KIAA0319: variants seen among roughly 807,000 people sequenced by gnomAD.
The protein encoded by KIAA0319 is dyslexia-associated protein KIAA0319.
KIAA0319 carries 83 observed loss-of-function variants against 108.4 expected under a neutral mutation model. The observed-to-expected ratio is 0.77, with a 90% confidence interval of 0.64 to 0.92. The LOEUF (loss-of-function observed/expected upper bound fraction) is 0.92. KIAA0319 is among the 40% of genes least tolerant of loss of function. The pLI is 0.00. For missense variants in KIAA0319, 1,195 were observed against 1,322.4 expected (o/e 0.90, Z 1.49); for synonymous variants, 484 against 510.4 (o/e 0.95, Z 0.70).
At chr6:24,607,800 A>C (rs1402329364) in intron 1 of KIAA0319, among the ~76,000 whole-genome samples, 3 of 152,246 alleles carry the variant, frequency 2.0e-5, no homozygotes, top group Admixed American at 1.3e-4. Flanking sequence ...TGAATGCTTA[A>C]GTATGCATTT....
intron 1 of KIAA0319, among the ~76,000 whole-genome samples, chr6:24,603,454 A>C (rs1383964111): frequency 6.6e-6 from 1 of 152,214 alleles, no homozygotes; most frequent in Non-Finnish European, 1.5e-5. Context: ...TCAGAATCCC[A>C]CTGTGAGTTG....
chr6:24,623,602 C>G (rs1282349477), intron 1 of KIAA0319, among the ~76,000 whole-genome samples: 1 of 152,058 alleles, frequency 6.6e-6, no homozygotes, highest in Non-Finnish European at 1.5e-5. Context: ...TTCTCATAGG[C>G]ATTAGTGGAA....
chr6:24,580,606 C>T (rs537062216), intron 7 of KIAA0319, among the ~76,000 whole-genome samples: 102 of 152,194 alleles, frequency 6.7e-4, no homozygotes, highest in African/African-American at 2.2e-3. Flanking sequence ...GCCCCTGCTT[C>T]GAAGGTGAAG....
chr6:24,576,748 T>A (rs754807499), intron 9 of KIAA0319, 152 bp from the exon 10 acceptor site: 16 of 630,006 alleles, frequency 2.5e-5, no homozygotes, highest in Middle Eastern at 4.4e-4. Context: ...AAGGAGACTC[T>A]GTCTCTATTT....
At chr6:24,563,998 T>C (rs562621622) in intron 15 of KIAA0319, among the ~76,000 whole-genome samples, 2 of 152,220 alleles carry the variant, frequency 1.3e-5, no homozygotes, top group East Asian at 3.9e-4. Flanking sequence ...AGTTGCCAGA[T>C]AACATTCTCT....
At position 24,588,648 on chromosome 6, in the gene KIAA0319, G is replaced by A; in HGVS notation, c.939C>T (p.Pro313=). 1 of 1,614,016 alleles carries A rather than the reference G, an allele frequency of 6.2e-7. No homozygotes were observed. Among genetic ancestry groups the A allele is most frequent in the Non-Finnish European group, 8.5e-7 (1 of 1,179,944 alleles). Residue 313 remains proline, a synonymous_variant, in exon 4 of 21, where the codon CCC becomes CCT. Coordinates refer to ENST00000378214, the MANE Select transcript of KIAA0319 (RefSeq NM_014809.4). The stretch of plus-strand genomic sequence containing the variant: ...GTAGCTCAGATGGGGTGGACTCAGA[G>A]GGGGCTGCGCTAGTGGGAGGTGTTG... ...SIPTPPTSAA[P]SESTPSELPI...
chr6:24,641,271 T>C (rs1183179932), intron 1 of KIAA0319, among the ~76,000 whole-genome samples: 1 of 152,250 alleles, frequency 6.6e-6, no homozygotes, highest in Non-Finnish European at 1.5e-5. Context: ...TTCTATTGTG[T>C]ATATTTAACA....
intron 19 of KIAA0319, among the ~76,000 whole-genome samples, chr6:24,553,292 TATACACACACAC>T (rs1266087241): frequency 7.1e-4 from 67 of 95,022 alleles, no homozygotes; most frequent in African/African-American, 1.9e-3. Flanking sequence ...TATATATATA[TATACACACACAC>T]ACACACACAC....
chr6:24,634,831 G>A (rs551722050), intron 1 of KIAA0319, among the ~76,000 whole-genome samples: 58 of 152,300 alleles, frequency 3.8e-4, no homozygotes, highest in African/African-American at 1.3e-3. Flanking sequence ...ATAGTCTGTG[G>A]TCTGTGCCTT....
rs770651426 is a variant in KIAA0319 at position 24,583,807 on chromosome 6, T to C, written c.995-105A>G. ...GGTATCCATAAATTAAAATAACATA[T>C]GCTTTTGTAATAGTTCTTCATAAGA... On this transcript the variant is annotated intron_variant, in intron 4 of 20. Transcript: ENST00000378214. 9.5e-5 allele frequency: 70 copies of C among 738,788 alleles called. 1 individual carries two copies. The highest frequency in any genetic ancestry group is 1.4e-4 in the Non-Finnish European group (64 of 448,082). 45.8% of individuals were successfully genotyped at this position (738,788 alleles called of 1,614,324 possible). A position where few individuals can be genotyped will look rare whatever the true frequency, so the allele number is the denominator to read the frequency against.
intron 19 of KIAA0319, among the ~76,000 whole-genome samples, chr6:24,553,652 G>A (rs1163088801): frequency 6.6e-6 from 1 of 152,176 alleles, no homozygotes; most frequent in African/African-American, 2.4e-5. Context: ...TTTACAGAGA[G>A]GCTGAGAAGA....
intron 1 of KIAA0319, among the ~76,000 whole-genome samples, chr6:24,608,892 C>G (rs1316140635): frequency 7.9e-6 from 1 of 126,972 alleles, no homozygotes; most frequent in African/African-American, 3.0e-5. Context: ...GATCATGTCA[C>G]TGCACTCCAG....
intron 16 of KIAA0319, among the ~76,000 whole-genome samples, chr6:24,561,415 T>C (rs1311278145): frequency 6.6e-6 from 1 of 152,246 alleles, no homozygotes; most frequent in Non-Finnish European, 1.5e-5. Flanking sequence ...TTATTTGTTA[T>C]AGGTCTATTT....
intron 1 of KIAA0319, among the ~76,000 whole-genome samples, chr6:24,639,063 T>C (rs1776582026): frequency 1.3e-5 from 2 of 152,222 alleles, no homozygotes; most frequent in Non-Finnish European, 2.9e-5. Flanking sequence ...CCAATTTTTA[T>C]TTGTCAATTA....
At chr6:24,566,819 T>C (rs1273061382) in intron 13 of KIAA0319, 71 bp from the exon 14 acceptor site, 10 of 1,381,084 alleles carry the variant, frequency 7.2e-6, no homozygotes, top group Non-Finnish European at 9.9e-6. Flanking sequence ...AAGTGTGTCA[T>C]AAAACATCCA....
At chr6:24,600,957 A>G in intron 2 of KIAA0319, 92 bp downstream of exon 2, 1 of 1,523,094 alleles carries the variant, frequency 6.6e-7, no homozygotes. Flanking sequence ...AAGCAAACCA[A>G]CAGCGTCTTC....
chr6:24,569,077 T>C, intron 12 of KIAA0319, 148 bp from the exon 13 acceptor site: 1 of 773,280 alleles, frequency 1.3e-6, no homozygotes, highest in South Asian at 2.0e-5. Context: ...TCATCTGTAC[T>C]CTCTAGTTCA....
chr6:24,628,147 A>C (rs1342238152), intron 1 of KIAA0319, among the ~76,000 whole-genome samples: 1 of 152,196 alleles, frequency 6.6e-6, no homozygotes, highest in African/African-American at 2.4e-5. Flanking sequence ...AGCTTCCTAA[A>C]TCACCATATT....
Position 24,572,356 on chromosome 6 carries a change from C to T in KIAA0319, c.1858+219G>A, listed in dbSNP as rs117532126. Among the ~76,000 whole-genome samples the T allele has an allele frequency of 7.7e-4, 117 of 152,324 alleles. No individual in the cohort carries two copies. In the East Asian group the frequency reaches 0.018, roughly 23 times the overall value. ...GTGTGGAAGCATCCACAAGGCAAAT[C>T]GGAGCCCACAAGCAGTGCTGTGGAT... On this transcript the variant is annotated intron_variant, in intron 11 of 20. Transcript: ENST00000378214.
Sources: allele counts gnomAD v4.1 joint callset (sites outside exome capture counted in the v4.1 genomes callset), GRCh38; gene constraint gnomAD v4.1.1; transcripts MANE v1.5; gene names NCBI Gene and HGNC (gene_info 2026-07-23, HGNC 2026-07-21).